The following CADPS2 variants were observed in gnomAD, a reference collection of about 807,000 sequenced individuals.
The protein encoded by CADPS2 is calcium-dependent secretion activator 2.
CADPS2 carries 93 observed loss-of-function variants against 172.5 expected under a neutral mutation model. The ratio of observed to expected loss-of-function variants is 0.54; its 90% CI spans 0.46 to 0.64. The LOEUF (loss-of-function observed/expected upper bound fraction) is 0.64, where lower values mean the gene tolerates loss of function less well. CADPS2 is among the 30% of genes least tolerant of loss of function. The pLI, the probability that CADPS2 is intolerant of heterozygous loss-of-function variation, is 0.00. For missense variants in CADPS2, 1,420 were observed against 1,565.9 expected, an observed-to-expected ratio of 0.91 and a Z score of 1.57; for synonymous variants, 546 against 555.2, an observed-to-expected ratio of 0.98 and a Z score of 0.23.
intron 6 of CADPS2, among the ~76,000 whole-genome samples, chr7:122,593,270 C>T (rs1470094563): frequency 6.6e-6 from 1 of 151,824 alleles, no homozygotes; most frequent in Non-Finnish European, 1.5e-5. Flanking sequence ...ACAAATACTA[C>T]AAATTTATTC....
intron 3 of CADPS2, among the ~76,000 whole-genome samples, chr7:122,662,215 G>A (rs550967259): frequency 5.7e-4 from 87 of 152,148 alleles, no homozygotes; most frequent in Non-Finnish European, 9.4e-4. Context: ...TTAAGTGTCA[G>A]AATTTTATCA....
At chr7:122,453,673 G>A (rs1216276452) in intron 14 of CADPS2, among the ~76,000 whole-genome samples, 3 of 152,146 alleles carry the variant, frequency 2.0e-5, no homozygotes, top group South Asian at 2.1e-4. Flanking sequence ...ATGCTATGTG[G>A]TTAAATAGGA....
At chr7:122,341,374 T>G (rs2150941649) in intron 28 of CADPS2, among the ~76,000 whole-genome samples, 1 of 152,220 alleles carries the variant, frequency 6.6e-6, no homozygotes, top group African/African-American at 2.4e-5. Flanking sequence ...TTGCTAACAT[T>G]AAAACTAAAA....
At position 122,843,139 on chromosome 7, in the gene CADPS2, TA is replaced by T. The variant is rs1811028560; in HGVS notation, c.339+42859del. Among the ~76,000 whole-genome samples, 3 of 152,288 alleles carry T rather than the reference TA, an allele frequency of 2.0e-5. No individual in the cohort carries two copies. The South Asian group carries it at 6.2e-4, about 32-fold the overall frequency. The stretch of plus-strand genomic sequence containing the variant: ...AAGCTGGAAAAACAAAAGCCTTCAT[TA>T]AAAGGAGCAATGCTTTCTGTGAATA... On this transcript the variant is annotated intron_variant, in intron 1 of 29. Transcript: ENST00000449022.
At position 122,568,793 on chromosome 7, in the gene CADPS2, C is replaced by T. The variant is rs111879290; in HGVS notation, c.1335+12386G>A. On this transcript the variant is annotated intron_variant, in intron 7 of 29. Transcript: ENST00000449022. ...GGGTTTGGTGAAGATTTCTTAGATA[C>T]AGCACCAAGAACCTGAGCCAAAAAG... Among the ~76,000 whole-genome samples the T allele has an allele frequency of 4.4e-3, 665 of 152,146 alleles. 3 individuals carry two copies. The highest frequency in any genetic ancestry group is 5.9e-3 in the Non-Finnish European group (404 of 67,990).
chr7:122,612,353 G>T (rs183978464), intron 6 of CADPS2, among the ~76,000 whole-genome samples: 1 of 152,000 alleles, frequency 6.6e-6, no homozygotes, highest in East Asian at 1.9e-4. Context: ...AAGGTTGATT[G>T]ATGCATATAA....
In CADPS2 at chr7:122,536,591, G is replaced by A. The variant is rs754944525; in HGVS notation, c.1475+17959C>T. Among the ~76,000 whole-genome samples the A allele has an allele frequency of 1.2e-3, 176 of 152,012 alleles. 2 individuals carry two copies. The highest frequency in any genetic ancestry group is 8.5e-4 in the Admixed American group (13 of 15,216). On this transcript the variant is annotated intron_variant, in intron 8 of 29. Transcript: ENST00000449022. Reference sequence around the variant, plus strand: ...TGGAGAAAAAATAAGCACACAAACAGGCGAGAGACCATTTACTGATGAGGG... The same window carrying A: ...TGGAGAAAAAATAAGCACACAAACAAGCGAGAGACCATTTACTGATGAGGG...
At chr7:122,822,733 T>G (rs1008262908) in intron 1 of CADPS2, among the ~76,000 whole-genome samples, 4 of 151,870 alleles carry the variant, frequency 2.6e-5, no homozygotes, top group African/African-American at 9.7e-5. Context: ...GTGATGACAT[T>G]ACCTTGTGAA....
At chr7:122,822,357 A>T in intron 1 of CADPS2, among the ~76,000 whole-genome samples, 1 of 151,324 alleles carries the variant, frequency 6.6e-6, no homozygotes, top group East Asian at 2.0e-4. Flanking sequence ...CCACAATATC[A>T]CCCCTTACCA....
intron 7 of CADPS2, among the ~76,000 whole-genome samples, chr7:122,572,985 A>G (rs1458856690): frequency 6.6e-6 from 1 of 152,164 alleles, no homozygotes; most frequent in East Asian, 1.9e-4. Flanking sequence ...TACTTGCCAA[A>G]TAATATAACC....
At chr7:122,878,380 C>T (rs890177594) in intron 1 of CADPS2, among the ~76,000 whole-genome samples, 1 of 151,690 alleles carries the variant, frequency 6.6e-6, no homozygotes, top group African/African-American at 2.4e-5. Flanking sequence ...CGGCCGGGCG[C>T]GGTGGCTCAC....
chr7:122,404,119 T>A (rs2046315081), intron 20 of CADPS2, among the ~76,000 whole-genome samples: 1 of 152,096 alleles, frequency 6.6e-6, no homozygotes, highest in Non-Finnish European at 1.5e-5. Context: ...ATCAGGTATA[T>A]CTCCTAATGC....
chr7:122,808,803 A>G (rs539779731), intron 1 of CADPS2, among the ~76,000 whole-genome samples: 2 of 152,294 alleles, frequency 1.3e-5, no homozygotes, highest in East Asian at 3.9e-4. Flanking sequence ...GCTCACTATC[A>G]CTAGATTGGT....
intron 3 of CADPS2, among the ~76,000 whole-genome samples, chr7:122,634,784 G>C (rs1377713374): frequency 6.6e-6 from 1 of 152,094 alleles, no homozygotes; most frequent in Non-Finnish European, 1.5e-5. Flanking sequence ...TGATGAAGGT[G>C]TTTAGCACTG....
chr7:122,629,741 G>C (rs929885761), intron 3 of CADPS2, among the ~76,000 whole-genome samples: 15 of 152,106 alleles, frequency 9.9e-5, no homozygotes, highest in African/African-American at 3.6e-4. Context: ...GTTTGTATTA[G>C]TGCTAAACTA....
intron 9 of CADPS2, among the ~76,000 whole-genome samples, chr7:122,501,476 G>T (rs1426461617): frequency 6.6e-6 from 1 of 152,020 alleles, no homozygotes; most frequent in African/African-American, 2.4e-5. Context: ...TGAGAGACAA[G>T]GTCTGGGCCT....
chr7:122,572,646 T>A (rs571143172), intron 7 of CADPS2, among the ~76,000 whole-genome samples: 1 of 152,258 alleles, frequency 6.6e-6, no homozygotes, highest in South Asian at 2.1e-4. Context: ...GAAAATGCAT[T>A]GCCCACAAAT....
At chr7:122,630,577 C>T (rs1362784433) in intron 3 of CADPS2, among the ~76,000 whole-genome samples, 9 of 151,990 alleles carry the variant, frequency 5.9e-5, no homozygotes. Context: ...GGAGTTAGTT[C>T]CTACAACAAT....
At chr7:122,343,567 T>C (rs1447809312) in intron 28 of CADPS2, among the ~76,000 whole-genome samples, 2 of 152,194 alleles carry the variant, frequency 1.3e-5, no homozygotes, top group Non-Finnish European at 2.9e-5. Context: ...AATGAACTGA[T>C]GGCAAGAATG....
Sources: gnomAD v4.1 joint callset for allele counts (sites outside exome capture counted in the v4.1 genomes callset) on GRCh38, gnomAD v4.1.1 for gene constraint, MANE v1.5 for transcripts, NCBI Gene and HGNC (gene_info 2026-07-23, HGNC 2026-07-21) for gene names.